Variants in HEG1 observed in about 807,000 individuals in gnomAD.
HEG1 encodes the protein heart development protein with EGF like domains 1.
HEG1 carries 56 observed loss-of-function variants against 125.6 expected under a neutral mutation model. The ratio of observed to expected loss-of-function variants is 0.45; its 90% CI spans 0.36 to 0.56. The LOEUF is 0.56. Ranked by LOEUF, HEG1 falls within the 20% of genes least tolerant of loss-of-function variation. The probability of loss-of-function intolerance (pLI) is 0.00; values close to 1 mark genes in which losing one functional copy is unlikely to be tolerated. For synonymous variants in HEG1, 644 were observed against 668.5 expected, an observed-to-expected ratio of 0.96 and a Z score of 0.57; for missense variants, 1,523 against 1,670.0, an observed-to-expected ratio of 0.91 and a Z score of 1.53.
intron 9 of HEG1, 83 bp downstream of exon 9, chr3:125,005,182 G>T (rs56338365): frequency 4.9e-5 from 38 of 782,154 alleles, no homozygotes; most frequent in Admixed American, 1.1e-4. Context: ...AGACACAGCT[G>T]ACCGCTAGGC....
At chr3:125,034,615 T>C (rs963514439) in intron 1 of HEG1, among the ~76,000 whole-genome samples, 2 of 152,058 alleles carry the variant, frequency 1.3e-5, no homozygotes, top group African/African-American at 2.4e-5. Flanking sequence ...CTGGGCAACA[T>C]AGTGAGACCT....
chr3:125,003,275 G>T (rs1937026259), intron 9 of HEG1, among the ~76,000 whole-genome samples: 1 of 152,114 alleles, frequency 6.6e-6, no homozygotes, highest in South Asian at 2.1e-4. Flanking sequence ...ATTATACATT[G>T]ATACTGGGCA....
rs534119377 is a variant in HEG1 at position 125,027,185 on chromosome 3, G to A, written c.913+20C>T. ...ACTTTGAGTGACTTCCGAGTGTTAA[G>A]CTGGGTATGTGGCACTCACATGAGG... On this transcript the variant is annotated intron_variant, in intron 3 of 16. Coordinates refer to ENST00000311127, the MANE Select transcript of HEG1 (RefSeq NM_020733.2). 7 of 1,556,624 alleles carry A rather than the reference G, an allele frequency of 4.5e-6. No individual in the cohort carries two copies. The East Asian group carries it at 1.6e-4, about 35-fold the overall frequency.
intron 1 of HEG1, among the ~76,000 whole-genome samples, chr3:125,049,888 G>C (rs1355808382): frequency 6.6e-6 from 1 of 152,154 alleles, no homozygotes; most frequent in African/African-American, 2.4e-5. Context: ...TGCTTTCCCT[G>C]TTCAGAAGCC....
At chr3:125,042,617 A>T (rs1937602674) in intron 1 of HEG1, among the ~76,000 whole-genome samples, 1 of 152,142 alleles carries the variant, frequency 6.6e-6, no homozygotes, top group Non-Finnish European at 1.5e-5. Flanking sequence ...GTAGACACTG[A>T]GACTGTGCCT....
At chr3:125,020,667 T>C (rs1937320563) in intron 4 of HEG1, 125 bp downstream of exon 4, 2 of 711,838 alleles carry the variant, frequency 2.8e-6, no homozygotes, top group Non-Finnish European at 4.7e-6. Flanking sequence ...ACCATCAAAA[T>C]GCAATAGTGC....
At chr3:125,040,339 G>A (rs1937584097) in intron 1 of HEG1, among the ~76,000 whole-genome samples, 1 of 152,128 alleles carries the variant, frequency 6.6e-6, no homozygotes, top group Admixed American at 6.5e-5. Context: ...AGATGACAAG[G>A]GAAGGATAGG....
chr3:125,054,015 C>T (rs1354754494), intron 1 of HEG1, among the ~76,000 whole-genome samples: 1 of 152,264 alleles, frequency 6.6e-6, no homozygotes, highest in African/African-American at 2.4e-5. Context: ...AGCCTGACTA[C>T]TACCCAGAGA....
Position 125,027,234 on chromosome 3 carries a change from G to T in HEG1, c.884C>A (p.Ala295Asp). 6.2e-7 allele frequency: 1 copy of T among 1,610,242 alleles called. No homozygotes were observed. The highest frequency in any genetic ancestry group is 8.5e-7 in the Non-Finnish European group (1 of 1,178,370). The stretch of plus-strand genomic sequence containing the variant: ...GGAAAGGTCTAAGAGAGGAGAGGAA[G>T]CTGCTGTCCTGTAGAAATGCAGCCA... ...LSWLHFYRTAASSPLLDLSSS... is the reference protein window; with the variant it reads ...LSWLHFYRTADSSPLLDLSSS... The change falls in exon 3 of 17, where the codon GCT (alanine) becomes GAT (aspartate). Residue 295 changes from alanine (A) to aspartate (D), a missense_variant. By Grantham distance (126) the Ala-to-Asp change is moderately radical (BLOSUM62 -2). Coordinates refer to ENST00000311127, the MANE Select transcript of HEG1 (RefSeq NM_020733.2).
At chr3:124,995,369 G>A (rs1459589952) in intron 12 of HEG1, among the ~76,000 whole-genome samples, 1 of 152,080 alleles carries the variant, frequency 6.6e-6, no homozygotes, top group Non-Finnish European at 1.5e-5. Flanking sequence ...ACCTATGAGA[G>A]GGATATCTAC....
At chr3:125,008,723 G>A (rs1937107664) in intron 8 of HEG1, among the ~76,000 whole-genome samples, 1 of 152,224 alleles carries the variant, frequency 6.6e-6, no homozygotes, top group Admixed American at 6.5e-5. Context: ...CTTGAACCTG[G>A]AAGGTGGAGG....
In HEG1 at chr3:125,017,116, A is replaced by C. The variant is rs550660830; in HGVS notation, c.1588+2146T>G. 2.0e-5 allele frequency among the ~76,000 whole-genome samples: 3 copies of C among 151,488 alleles called. No homozygotes were observed. The South Asian group carries it at 6.3e-4, about 32-fold the overall frequency. Reference sequence around the variant, plus strand: ...GTCACCCAGGCTAGAGTGCAGTGGCATGATCTCAGTTCACTGCAACCTCCA... The same window carrying C: ...GTCACCCAGGCTAGAGTGCAGTGGCCTGATCTCAGTTCACTGCAACCTCCA... On this transcript the variant is annotated intron_variant, in intron 5 of 16. Coordinates refer to ENST00000311127, the MANE Select transcript of HEG1 (RefSeq NM_020733.2).
intron 14 of HEG1, among the ~76,000 whole-genome samples, chr3:124,978,965 T>C (rs981539761): frequency 3.3e-5 from 5 of 151,924 alleles, no homozygotes; most frequent in Non-Finnish European, 5.9e-5. Context: ...TCTTTTTTTT[T>C]CCGAGACGGA....
intron 3 of HEG1, among the ~76,000 whole-genome samples, chr3:125,024,961 G>A (rs116515732): frequency 0.014 from 2,117 of 152,306 alleles, 18 homozygotes; most frequent in Non-Finnish European, 0.02. Flanking sequence ...TTTTCACAGG[G>A]TCATATTTCC....
rs1293025094 is a variant in HEG1 at position 125,022,695 on chromosome 3, AGAAATAAAT to A, written c.914-1574_914-1566del. Among the ~76,000 whole-genome samples, 15 of 42,006 alleles carry A rather than the reference AGAAATAAAT, an allele frequency of 3.6e-4. 1 individual carries two copies. The highest frequency in any genetic ancestry group is 9.2e-4 in the Admixed American group (4 of 4,358). 27.6% of individuals were successfully genotyped at this position (42,006 alleles called of 152,430 possible). On this transcript the variant is annotated intron_variant, in intron 3 of 16. Transcript: ENST00000311127. Reference sequence around the variant, plus strand: ...ACACACTTCAGTATTAAAAAAAAAAAGAAATAAATAAATAAAAAGAAAAGAAAGCATTAT... The same window carrying A: ...ACACACTTCAGTATTAAAAAAAAAAAAAATAAAAAGAAAAGAAAGCATTAT...
In HEG1 at chr3:125,010,967, G is replaced by A. The variant is rs142495847; in HGVS notation, c.2957-412C>T. ...CCGCTAGAAGATTTACTCTGTATAC[G>A]TGTGTCTGTGTGTCTGTGCACACGT... On this transcript the variant is annotated intron_variant, in intron 6 of 16. Coordinates refer to ENST00000311127, the MANE Select transcript of HEG1 (RefSeq NM_020733.2). 3.2e-3 allele frequency among the ~76,000 whole-genome samples: 481 copies of A among 152,292 alleles called. 2 individuals carry two copies. Among genetic ancestry groups the A allele is most frequent in the Non-Finnish European group, 4.0e-3 (270 of 68,020 alleles).
rs1449896215 is a variant in HEG1, at chr3:124,985,865, C to T, written c.3733+4922G>A. ...CGATCTCGGCTTACTGTAGCCTCTG[C>T]CTCCCAGGTTCAAGCGATTATCCTG... is the stretch of plus-strand genomic sequence containing the variant. On this transcript the variant is annotated intron_variant, in intron 14 of 16. Coordinates refer to ENST00000311127, the MANE Select transcript of HEG1 (RefSeq NM_020733.2). 2.0e-5 allele frequency among the ~76,000 whole-genome samples: 3 copies of T among 152,190 alleles called. No individual in the cohort carries two copies. The East Asian group carries it at 5.8e-4, about 29-fold the overall frequency.
chr3:125,045,167 C>T (rs1937643677), intron 1 of HEG1, among the ~76,000 whole-genome samples: 1 of 152,208 alleles, frequency 6.6e-6, no homozygotes, highest in South Asian at 2.1e-4. Context: ...AAGTGAAGCT[C>T]ACTAAACCTG....
At position 125,008,995 on chromosome 3, in the gene HEG1, C is replaced by T. The variant is rs553642573; in HGVS notation, c.3193+710G>A. 7.9e-5 allele frequency among the ~76,000 whole-genome samples: 12 copies of T among 152,324 alleles called. No individual in the cohort carries two copies. In the South Asian group the frequency reaches 1.9e-3, roughly 24 times the overall value. Reference sequence around the variant, plus strand: ...AACCAGGCTTCCCACCAACCCGTTACGTAAGCTTGGCCACTTAGCACCTTG... The same window carrying T: ...AACCAGGCTTCCCACCAACCCGTTATGTAAGCTTGGCCACTTAGCACCTTG... On this transcript the variant is annotated intron_variant, in intron 8 of 16. Transcript: ENST00000311127.
Sources: gnomAD v4.1 joint callset for allele counts (sites outside exome capture counted in the v4.1 genomes callset) on GRCh38, gnomAD v4.1.1 for gene constraint, MANE v1.5 for transcripts, NCBI Gene and HGNC (gene_info 2026-07-23, HGNC 2026-07-21) for gene names.